The following TPX2 variants were observed in gnomAD, a reference collection of about 807,000 sequenced individuals.
TPX2 encodes targeting protein for Xklp2.
A neutral mutation model predicts 93.6 loss-of-function variants in TPX2; 21 were observed. The ratio of observed to expected loss-of-function variants is 0.22; its 90% confidence interval spans 0.16 to 0.32. The LOEUF (loss-of-function observed/expected upper bound fraction) is 0.32. Ranked by LOEUF, TPX2 falls within the 10% of genes least tolerant of loss-of-function variation. TPX2 has a pLI of 1.00. For synonymous variants in TPX2, 281 were observed against 298.3 expected (o/e 0.94, Z 0.60); for missense variants, 776 against 871.1 (o/e 0.89, Z 1.37).
intron 10 of TPX2, chr20:31,780,837 T>A (rs1389597969): frequency 3.3e-6 from 1 of 305,086 alleles, no homozygotes; most frequent in Non-Finnish European, 6.3e-6. Flanking sequence ...TAAGATGTGG[T>A]CTTGATGCTT....
intron 5 of TPX2, among the ~76,000 whole-genome samples, chr20:31,769,250 T>G (rs1167845751): frequency 6.7e-6 from 1 of 149,842 alleles, no homozygotes. Flanking sequence ...TCTTCGAAAC[T>G]AACATACCAT....
chr20:31,797,398 T>TA lies in TPX2; in HGVS notation c.1834-4dup. The TA allele has an allele frequency of 6.2e-7, 1 of 1,613,968 alleles. No individual in the cohort carries two copies. The highest frequency in any genetic ancestry group is 8.5e-7 in the Non-Finnish European group (1 of 1,179,890). On this transcript the variant is annotated splice_polypyrimidine_tract_variant and splice_region_variant and intron_variant, in intron 15 of 17. Coordinates refer to ENST00000300403, the MANE Select transcript of TPX2 (RefSeq NM_012112.5). ...TTGCTCATCTGACTGACTTTCTCTC[T>TA]AATAGCTGGAAGAAGAACTGAGACA...
At chr20:31,788,595 C>T (rs1222134736) in intron 12 of TPX2, among the ~76,000 whole-genome samples, 1 of 152,084 alleles carries the variant, frequency 6.6e-6, no homozygotes, top group Non-Finnish European at 1.5e-5. Context: ...TTCCTCTGCA[C>T]TTCCACTTGT....
In TPX2 at chr20:31,746,108, G is replaced by A. The variant is rs188553405; in HGVS notation, c.-71+3461G>A. Among the ~76,000 whole-genome samples the A allele has an allele frequency of 4.9e-3, 746 of 152,340 alleles. 6 individuals are homozygous for A. The highest frequency in any genetic ancestry group is 4.5e-3 in the Non-Finnish European group (308 of 68,038). Reference sequence around the variant, plus strand: ...TGTGCTGACTTCTGAGTGTTGGACAGTGAGGGATTGTCATTGGATTTTAAA... The same window carrying A: ...TGTGCTGACTTCTGAGTGTTGGACAATGAGGGATTGTCATTGGATTTTAAA... On this transcript the variant is annotated intron_variant, in intron 2 of 17. Coordinates refer to ENST00000300403, the MANE Select transcript of TPX2 (RefSeq NM_012112.5).
At chr20:31,764,229 G>C (rs1235196368) in intron 4 of TPX2, among the ~76,000 whole-genome samples, 1 of 151,966 alleles carries the variant, frequency 6.6e-6, no homozygotes, top group Non-Finnish European at 1.5e-5. Context: ...GACTGCAGTG[G>C]AGCAATCACG....
chr20:31,758,343 C>T (rs996642711), intron 3 of TPX2, among the ~76,000 whole-genome samples: 2 of 152,106 alleles, frequency 1.3e-5, no homozygotes, highest in Non-Finnish European at 2.9e-5. Context: ...TAGTCTTGAA[C>T]CCCTGACCTC....
intron 10 of TPX2, 43 bp from the exon 11 acceptor site, chr20:31,782,206 G>T (rs781677285): frequency 6.4e-7 from 1 of 1,571,080 alleles, no homozygotes; most frequent in Admixed American, 1.8e-5. Flanking sequence ...AAGTAAACTG[G>T]GTCTTGCGGA....
intron 11 of TPX2, 66 bp from the exon 12 acceptor site, chr20:31,783,639 C>T: frequency 2.0e-6 from 3 of 1,464,030 alleles, no homozygotes; most frequent in Non-Finnish European, 2.8e-6. Context: ...GGTTGGCTTA[C>T]TTTGTTTGTG....
At chr20:31,780,831 A>T (rs1425475080) in intron 10 of TPX2, 2 of 282,742 alleles carry the variant, frequency 7.1e-6, no homozygotes, top group Admixed American at 5.2e-5. Context: ...TTTCTGTAAG[A>T]TGTGGTCTTG....
intron 10 of TPX2, among the ~76,000 whole-genome samples, chr20:31,779,517 T>G (rs1378692910): frequency 6.6e-6 from 1 of 152,240 alleles, no homozygotes; most frequent in African/African-American, 2.4e-5. Context: ...AGTGACCTAT[T>G]TATCTCTGTC....
chr20:31,790,974 A>G (rs2073580054), intron 12 of TPX2, among the ~76,000 whole-genome samples: 1 of 152,196 alleles, frequency 6.6e-6, no homozygotes. Flanking sequence ...AAGGCTTTAT[A>G]AAAGTGGAGG....
intron 2 of TPX2, among the ~76,000 whole-genome samples, chr20:31,754,095 T>G (rs2061836982): frequency 6.6e-6 from 1 of 151,802 alleles, no homozygotes; most frequent in Admixed American, 6.6e-5. Flanking sequence ...AGAAGTACAT[T>G]ATTTTTATTT....
chr20:31,778,349 A>G (rs1408459341), intron 9 of TPX2, among the ~76,000 whole-genome samples: 1 of 152,216 alleles, frequency 6.6e-6, no homozygotes, highest in Non-Finnish European at 1.5e-5. Flanking sequence ...TTACTGGTCC[A>G]AGGAATAGGA....
intron 1 of TPX2, among the ~76,000 whole-genome samples, chr20:31,742,280 C>T (rs929360283): frequency 6.6e-6 from 1 of 150,548 alleles, no homozygotes; most frequent in African/African-American, 2.4e-5. Context: ...CAGGTTCAAG[C>T]GATTCTCCTG....
intron 10 of TPX2, among the ~76,000 whole-genome samples, chr20:31,780,775 C>T (rs2062028291): frequency 6.6e-6 from 1 of 152,110 alleles, no homozygotes; most frequent in Non-Finnish European, 1.5e-5. Flanking sequence ...GTGGTGATGT[C>T]TTAATATTGA....
At chr20:31,758,951 A>T (rs1179056382) in intron 3 of TPX2, among the ~76,000 whole-genome samples, 2 of 152,092 alleles carry the variant, frequency 1.3e-5, no homozygotes, top group African/African-American at 4.8e-5. Context: ...AATTTGGAAG[A>T]AAAAAAATGA....
intron 4 of TPX2, among the ~76,000 whole-genome samples, chr20:31,760,380 G>T (rs923054136): frequency 6.6e-6 from 1 of 151,488 alleles, no homozygotes; most frequent in African/African-American, 2.4e-5. Flanking sequence ...AGCTAACATA[G>T]AATTTTTTTT....
At chr20:31,760,968 T>G (rs1365378446) in intron 4 of TPX2, among the ~76,000 whole-genome samples, 1 of 152,176 alleles carries the variant, frequency 6.6e-6, no homozygotes, top group Non-Finnish European at 1.5e-5. Context: ...AAATCCTTCT[T>G]GAAATTGATT....
At chr20:31,799,498 T>A (rs947827205) in intron 17 of TPX2, among the ~76,000 whole-genome samples, 5 of 152,230 alleles carry the variant, frequency 3.3e-5, no homozygotes, top group African/African-American at 1.2e-4. Flanking sequence ...AATTAGCATC[T>A]TGCTAATTAA....
Sources: allele counts gnomAD v4.1 joint callset (sites outside exome capture counted in the v4.1 genomes callset), GRCh38; gene constraint gnomAD v4.1.1; transcripts MANE v1.5; gene names NCBI Gene and HGNC (gene_info 2026-07-23, HGNC 2026-07-21).